Variants in ATG2B observed in about 807,000 individuals in gnomAD.
ATG2B encodes the protein autophagy related 2B, also known as autophagy-related protein 2 homolog B.
A neutral mutation model predicts 241.3 loss-of-function variants in ATG2B; 121 were observed. The ratio of observed to expected loss-of-function variants is 0.50; its 90% confidence interval spans 0.43 to 0.58. The LOEUF is 0.58. Ranked by LOEUF, ATG2B falls within the 20% of genes least tolerant of loss-of-function variation. The probability of loss-of-function intolerance (pLI) is 0.00; values close to 1 mark genes in which losing one functional copy is unlikely to be tolerated. For synonymous variants in ATG2B, 858 were observed against 876.6 expected (o/e 0.98, Z 0.37); for missense variants, 2,306 against 2,491.6 (o/e 0.93, Z 1.59).
Position 96,328,549 on chromosome 14 carries a change from A to G in ATG2B, c.1975-14T>C, listed in dbSNP as rs768031532. 1.3e-6 allele frequency: 2 copies of G among 1,581,718 alleles called. No homozygotes were observed. Among genetic ancestry groups the G allele is most frequent in the Admixed American group, 2.0e-5 (1 of 50,836 alleles). On this transcript the variant is annotated splice_polypyrimidine_tract_variant and intron_variant, in intron 13 of 41. Coordinates refer to ENST00000359933, the MANE Select transcript of ATG2B (RefSeq NM_018036.7). ...TGCTTGATTACCCTTTTAAAAAAAA[A>G]AAAGAAAAGGCATTAATACAATCAC...
chr14:96,342,038 T>G (rs1198457689), intron 5 of ATG2B, among the ~76,000 whole-genome samples: 3 of 152,204 alleles, frequency 2.0e-5, no homozygotes, highest in African/African-American at 7.2e-5. Flanking sequence ...ATACAGTGAC[T>G]GACTTATAAA....
intron 18 of ATG2B, among the ~76,000 whole-genome samples, chr14:96,320,707 A>T (rs1887437044): frequency 6.6e-6 from 1 of 152,228 alleles, no homozygotes; most frequent in South Asian, 2.1e-4. Flanking sequence ...CAATCTGCTC[A>T]GTCAATGCAG....
At chr14:96,317,445 T>C (rs551921338) in intron 19 of ATG2B, 128 bp from the exon 20 acceptor site, 2 of 834,026 alleles carry the variant, frequency 2.4e-6, no homozygotes, top group Non-Finnish European at 3.6e-6. Context: ...CAGAAATACA[T>C]ACTGTTTTTC....
intron 32 of ATG2B, among the ~76,000 whole-genome samples, 173 bp from the exon 33 acceptor site, chr14:96,303,428 T>C (rs1886850778): frequency 6.6e-6 from 1 of 152,200 alleles, no homozygotes; most frequent in Non-Finnish European, 1.5e-5. Flanking sequence ...TGTTCACTCA[T>C]TTATTAATCT....
In ATG2B at chr14:96,308,149, T is replaced by A. The variant is rs1156525843; in HGVS notation, c.4304-1233A>T. 2.1e-5 allele frequency among the ~76,000 whole-genome samples: 3 copies of A among 144,382 alleles called. No individual in the cohort carries two copies. The Admixed American group carries it at 2.1e-4, about 10-fold the overall frequency. The allele number at this position is 144,382 out of a possible 152,430, so 94.7% of individuals were successfully genotyped here. ...ATTAAGGTAGCTGCATATATACATATACACACACACACATATATAAATATA... is the reference window on the plus strand; with the variant it reads ...ATTAAGGTAGCTGCATATATACATAAACACACACACACATATATAAATATA... On this transcript the variant is annotated intron_variant, in intron 29 of 41. Transcript: ENST00000359933.
intron 35 of ATG2B, 139 bp downstream of exon 35, chr14:96,295,343 C>G: frequency 2.4e-6 from 2 of 843,970 alleles, no homozygotes; most frequent in Non-Finnish European, 3.6e-6. Context: ...ACAGTATTCG[C>G]GAATCAACAA....
chr14:96,356,156 G>C (rs1188463025), intron 1 of ATG2B, among the ~76,000 whole-genome samples: 1 of 115,874 alleles, frequency 8.6e-6, no homozygotes, highest in Non-Finnish European at 1.8e-5. Flanking sequence ...GGGTGACAGA[G>C]CAAGAATGCG....
chr14:96,322,646 T>C lies in ATG2B; in HGVS notation c.2630A>G (p.Gln877Arg). Residue 877 changes from glutamine to arginine, a missense_variant, in exon 17 of 42, where the codon CAG becomes CGG. By Grantham distance (43) the Gln-to-Arg change is conservative. This residue lies in a region of ATG2B where 1,927 missense variants were observed against 2,011.2 expected (regional missense o/e 0.96). Coordinates refer to ENST00000359933, the MANE Select transcript of ATG2B (RefSeq NM_018036.7). ...ATGAGCACCTCCTTCCTCTTCCTCC[T>C]GGTAGTGACCATCATTCTCCTCTTC... ...EEEEENDGHY[Q>R]EEEEGGAHSL... 6.2e-7 allele frequency: 1 copy of C among 1,613,840 alleles called. No individual in the cohort carries two copies. Among genetic ancestry groups the C allele is most frequent in the East Asian group, 2.2e-5 (1 of 44,854 alleles).
chr14:96,285,638 T>G lies in ATG2B; in HGVS notation c.*117A>C. 1 of 911,758 alleles carries G rather than the reference T, an allele frequency of 1.1e-6. No individual in the cohort carries two copies. The highest frequency in any genetic ancestry group is 1.7e-6 in the Non-Finnish European group (1 of 599,604). The allele number at this position is 911,758 out of a possible 1,614,324, so 56.5% of individuals were successfully genotyped here. On this transcript the variant is annotated 3_prime_UTR_variant, in exon 42 of 42. Transcript: ENST00000359933. The surrounding 1 kb of genome is among the most constrained non-coding windows in gnomAD (Gnocchi z 4.2). ...GATGTTAAATTATTTAACTAAAAAATGCTTTTGTTCCTGAGATGAGCACAA... is the reference window on the plus strand; with the variant it reads ...GATGTTAAATTATTTAACTAAAAAAGGCTTTTGTTCCTGAGATGAGCACAA...
At chr14:96,306,527 G>C (rs1886952120) in intron 30 of ATG2B, among the ~76,000 whole-genome samples, 187 bp downstream of exon 30, 1 of 140,226 alleles carries the variant, frequency 7.1e-6, no homozygotes, top group Non-Finnish European at 1.6e-5. Context: ...ATTCTTCTCT[G>C]AGTCTTTAGA....
intron 29 of ATG2B, among the ~76,000 whole-genome samples, chr14:96,308,672 C>T (rs1488272689): frequency 6.6e-6 from 1 of 151,924 alleles, no homozygotes. Context: ...TTCCTTAGTT[C>T]TAATTTATCC....
At chr14:96,293,355 T>C (rs1482754640) in intron 36 of ATG2B, 6 of 152,180 alleles carry the variant, frequency 3.9e-5, no homozygotes, top group African/African-American at 1.4e-4. Flanking sequence ...TCACTTTTTT[T>C]TTCTCCATGG....
chr14:96,323,771 A>T, intron 16 of ATG2B, 125 bp downstream of exon 16: 2 of 719,218 alleles, frequency 2.8e-6, no homozygotes, highest in South Asian at 1.6e-5. Flanking sequence ...CATCACGCTT[A>T]TGAACCACAA....
chr14:96,332,031 T>C (rs780915454), intron 10 of ATG2B, among the ~76,000 whole-genome samples: 2 of 152,124 alleles, frequency 1.3e-5, no homozygotes, highest in East Asian at 3.8e-4. Flanking sequence ...AATCACATGA[T>C]TGACTGAGGG....
chr14:96,332,802 T>A, intron 8 of ATG2B, 147 bp from the exon 9 acceptor site: 2 of 496,682 alleles, frequency 4.0e-6, no homozygotes, highest in Non-Finnish European at 6.5e-6. Context: ...TACAGTGGTG[T>A]AATTTATGAG....
intron 16 of ATG2B, 81 bp downstream of exon 16, chr14:96,323,815 T>G: frequency 1.1e-6 from 1 of 928,388 alleles, no homozygotes; most frequent in Non-Finnish European, 1.7e-6. Flanking sequence ...AGCTTATATT[T>G]AATAGACAAA....
chr14:96,324,264 A>G (rs1887533484), intron 15 of ATG2B: 1 of 357,444 alleles, frequency 2.8e-6, no homozygotes, highest in African/African-American at 2.2e-5. Context: ...GCAAGCACTT[A>G]CCACTTACTA....
rs1219892682 is a variant in ATG2B, at chr14:96,311,483, A to G, written c.3990+59T>C. 10 of 1,415,864 alleles carry G rather than the reference A, an allele frequency of 7.1e-6. No individual in the cohort carries two copies. In the Admixed American group the frequency reaches 1.7e-4, roughly 24 times the overall value. 87.7% of individuals were successfully genotyped at this position (1,415,864 alleles called of 1,614,324 possible). On this transcript the variant is annotated intron_variant, in intron 27 of 41. Transcript: ENST00000359933. Reference sequence around the variant, plus strand: ...AGGTACACGGAAAAATGTTAAACTCAATTTTTTTAATCTCTTAAAAAATAG... The same window carrying G: ...AGGTACACGGAAAAATGTTAAACTCGATTTTTTTAATCTCTTAAAAAATAG...
chr14:96,351,195 C>T (rs1282455493), intron 1 of ATG2B, among the ~76,000 whole-genome samples: 3 of 152,172 alleles, frequency 2.0e-5, no homozygotes, highest in Non-Finnish European at 2.9e-5. Flanking sequence ...AAAATGTGTG[C>T]CGAGCCCTGC....
Sources: gnomAD v4.1 joint callset for allele counts (sites outside exome capture counted in the v4.1 genomes callset) on GRCh38, gnomAD v4.1.1 for gene constraint, gnomAD v4.1.1 regional missense constraint, Gnocchi (gnomAD v3.1) non-coding constraint, MANE v1.5 for transcripts, NCBI Gene and HGNC (gene_info 2026-07-23, HGNC 2026-07-21) for gene names.